COBL: variants seen among roughly 807,000 people sequenced by gnomAD.
COBL encodes cordon-bleu WH2 repeat protein, also known as protein cordon-bleu.
A neutral mutation model predicts 98.8 loss-of-function variants in COBL; 51 were observed. That is an observed-to-expected ratio of 0.52 (90% CI 0.41 to 0.65). The LOEUF (loss-of-function observed/expected upper bound fraction) is 0.65, where lower values mean the gene tolerates loss of function less well. Among genes scored for constraint, COBL ranks in the 30% least tolerant of loss-of-function variants. COBL has a pLI of 0.00. For missense variants in COBL, 1,617 were observed against 1,617.5 expected (o/e 1.00, Z 0.01); for synonymous variants, 634 against 651.7 (o/e 0.97, Z 0.41).
chr7:51,043,286 T>C, intron 8 of COBL, 97 bp downstream of exon 8: 2 of 1,232,536 alleles, frequency 1.6e-6, no homozygotes, highest in Non-Finnish European at 2.3e-6. Context: ...CAGAGCAGGT[T>C]GTGATAGCAC....
intron 1 of COBL, among the ~76,000 whole-genome samples, chr7:51,257,366 T>C (rs1393641212): frequency 6.6e-6 from 1 of 152,196 alleles, no homozygotes; most frequent in Non-Finnish European, 1.5e-5. Context: ...CAGTCGAATA[T>C]GCCATTCTTC....
intron 3 of COBL, among the ~76,000 whole-genome samples, chr7:51,191,713 G>A (rs1246763044): frequency 6.6e-6 from 1 of 151,952 alleles, no homozygotes; most frequent in Non-Finnish European, 1.5e-5. Flanking sequence ...TAATAATCAG[G>A]AAGAAAAACA....
intron 1 of COBL, among the ~76,000 whole-genome samples, chr7:51,254,914 T>C (rs2129141147): frequency 6.6e-6 from 1 of 152,358 alleles, no homozygotes; most frequent in Admixed American, 6.5e-5. Context: ...AGTTGCTGAT[T>C]ACTATTTAAA....
At chr7:51,073,119 TATC>T (rs747378273) in intron 7 of COBL, 307 of 381,898 alleles carry the variant, frequency 8.0e-4, no homozygotes, top group South Asian at 2.6e-3. Flanking sequence ...AGGTGAATAT[TATC>T]AACCTAAAAT....
In COBL at chr7:51,288,126, A is replaced by C. The variant is rs538901892; in HGVS notation, c.41+28467T>G. Among the ~76,000 whole-genome samples, 692 of 152,292 alleles carry C rather than the reference A, an allele frequency of 4.5e-3. 4 individuals carry two copies. The highest frequency in any genetic ancestry group is 7.9e-3 in the Non-Finnish European group (538 of 68,028). ...AACTGGACTCCATTTTGGTTTAAAA[A>C]GTAAAATTTAAAAAATACAAATGGG... is the stretch of plus-strand genomic sequence containing the variant. On this transcript the variant is annotated intron_variant, in intron 1 of 12. Coordinates refer to ENST00000265136, the MANE Select transcript of COBL (RefSeq NM_015198.5).
chr7:51,143,382 TTA>T (rs1473572155), intron 5 of COBL, among the ~76,000 whole-genome samples: 4 of 152,224 alleles, frequency 2.6e-5, no homozygotes, highest in Non-Finnish European at 5.9e-5. Flanking sequence ...TTGCCATAAT[TTA>T]TGTGGTGACA....
intron 6 of COBL, among the ~76,000 whole-genome samples, chr7:51,106,679 G>C (rs1174536563): frequency 1.3e-5 from 2 of 152,154 alleles, no homozygotes; most frequent in African/African-American, 4.8e-5. Context: ...GATGCCTTAG[G>C]TCAACCAAAT....
chr7:51,200,324 A>C (rs1173846809), intron 2 of COBL, among the ~76,000 whole-genome samples: 1 of 152,246 alleles, frequency 6.6e-6, no homozygotes, highest in Non-Finnish European at 1.5e-5. Flanking sequence ...CTCACTGCTA[A>C]AGGTAAACAC....
At chr7:51,039,645 T>C (rs764236047) in intron 8 of COBL, among the ~76,000 whole-genome samples, 15 of 152,236 alleles carry the variant, frequency 9.9e-5, no homozygotes, top group Non-Finnish European at 2.1e-4. Flanking sequence ...AGGGAATACT[T>C]CAGTAGCGAC....
At chr7:51,197,193 T>C (rs555655487) in intron 2 of COBL, among the ~76,000 whole-genome samples, 1 of 152,242 alleles carries the variant, frequency 6.6e-6, no homozygotes, top group Non-Finnish European at 1.5e-5. Flanking sequence ...CTGCCTTAGC[T>C]GTGTCCCAGA....
intron 1 of COBL, among the ~76,000 whole-genome samples, chr7:51,311,119 G>A (rs561959969): frequency 1.3e-5 from 2 of 152,192 alleles, no homozygotes; most frequent in Non-Finnish European, 2.9e-5. Flanking sequence ...CTAACCAAAT[G>A]TATCCAAGAA....
At chr7:51,305,802 A>T (rs374331012) in intron 1 of COBL, among the ~76,000 whole-genome samples, 2,843 of 106,678 alleles carry the variant, frequency 0.027, 86 homozygotes, top group African/African-American at 0.1. Flanking sequence ...TGGGAGGCCA[A>T]GGCGGTGGAT....
chr7:51,207,117 G>A (rs1414875626), intron 2 of COBL, among the ~76,000 whole-genome samples: 2 of 151,836 alleles, frequency 1.3e-5, no homozygotes, highest in East Asian at 1.9e-4. Context: ...TCAACATCAA[G>A]TTATACACCT....
chr7:51,194,148 C>T (rs1338430683), intron 2 of COBL, among the ~76,000 whole-genome samples: 1 of 152,120 alleles, frequency 6.6e-6, no homozygotes, highest in Non-Finnish European at 1.5e-5. Flanking sequence ...TGTTGTTCCC[C>T]TCTATGTGTC....
At chr7:51,107,244 G>T (rs113068697) in intron 6 of COBL, among the ~76,000 whole-genome samples, 3 of 151,666 alleles carry the variant, frequency 2.0e-5, no homozygotes, top group African/African-American at 7.3e-5. Context: ...ACAGGCGCAC[G>T]CCACCATGCC....
At position 51,315,700 on chromosome 7, in the gene COBL, C is replaced by A. The variant is rs547266235; in HGVS notation, c.41+893G>T. On this transcript the variant is annotated intron_variant, in intron 1 of 12. Coordinates refer to ENST00000265136, the MANE Select transcript of COBL (RefSeq NM_015198.5). ...ACTGCGCGCTACCCCGCGGCCCAGCCTGCACCGCTGGCCGGGATGAGCACG... is the reference window on the plus strand; with the variant it reads ...ACTGCGCGCTACCCCGCGGCCCAGCATGCACCGCTGGCCGGGATGAGCACG... Among the ~76,000 whole-genome samples the A allele has an allele frequency of 3.9e-5, 6 of 152,370 alleles. No individual in the cohort carries two copies. In the South Asian group the frequency reaches 1.2e-3, roughly 32 times the overall value.
rs1468521552 is a variant in COBL at position 51,219,995 on chromosome 7, G to A, written c.42-51C>T. On this transcript the variant is annotated intron_variant, in intron 1 of 12. Coordinates refer to ENST00000265136, the MANE Select transcript of COBL (RefSeq NM_015198.5). ...AGAGTCAGTGGCAATGTTCCTACCT[G>A]CCTCGGAATAATTCGTTCTTACACA... 7.1e-6 allele frequency: 11 copies of A among 1,544,678 alleles called. No individual in the cohort carries two copies. In the South Asian group the frequency reaches 1.3e-4, roughly 19 times the overall value.
chr7:51,239,227 T>C (rs1296800168), intron 1 of COBL, among the ~76,000 whole-genome samples: 3 of 152,068 alleles, frequency 2.0e-5, no homozygotes, highest in Non-Finnish European at 2.9e-5. Flanking sequence ...AGTCACAGGA[T>C]GAGATAGGAG....
At chr7:51,066,725 C>T (rs1291477262) in intron 7 of COBL, among the ~76,000 whole-genome samples, 6 of 152,118 alleles carry the variant, frequency 3.9e-5, no homozygotes, top group Non-Finnish European at 8.8e-5. Flanking sequence ...AAGACTAAGA[C>T]CCCCACCCCT....
Sources: allele counts gnomAD v4.1 joint callset (sites outside exome capture counted in the v4.1 genomes callset), GRCh38; gene constraint gnomAD v4.1.1; transcripts MANE v1.5; gene names NCBI Gene and HGNC (gene_info 2026-07-23, HGNC 2026-07-21).